Variants in WDR72 observed in about 807,000 individuals in gnomAD.
WDR72 encodes the protein WD repeat-containing protein 72.
A neutral mutation model predicts 124.2 loss-of-function variants in WDR72; 120 were observed. That is an observed-to-expected ratio of 0.97 (90% CI 0.83 to 1.12). The LOEUF (loss-of-function observed/expected upper bound fraction) is 1.12, where lower values mean the gene tolerates loss of function less well. WDR72 is among the 50% of genes most tolerant of loss of function. The pLI is 0.00. For synonymous variants in WDR72, 452 were observed against 441.7 expected (o/e 1.02, Z -0.29); for missense variants, 1,387 against 1,278.8 (o/e 1.08, Z -1.29).
chr15:53,703,143 G>T (rs1179231855), intron 11 of WDR72, among the ~76,000 whole-genome samples: 2 of 151,996 alleles, frequency 1.3e-5, no homozygotes, highest in Non-Finnish European at 2.9e-5. Context: ...CAAACTCCTG[G>T]GCTCAAGGGA....
At chr15:53,726,347 G>C (rs1031121989) in intron 2 of WDR72, among the ~76,000 whole-genome samples, 9 of 101,058 alleles carry the variant, frequency 8.9e-5, no homozygotes, top group African/African-American at 3.7e-4. Flanking sequence ...GTACACGTGT[G>C]TTGGGAGGGG....
chr15:53,728,881 C>T (rs2018120015), intron 2 of WDR72, among the ~76,000 whole-genome samples: 1 of 151,982 alleles, frequency 6.6e-6, no homozygotes, highest in South Asian at 2.1e-4. Flanking sequence ...AGTGAGAAGC[C>T]CAAGGCAGGG....
chr15:53,732,386 A>ATCTAT (rs1421987596), intron 2 of WDR72, among the ~76,000 whole-genome samples: 1 of 152,218 alleles, frequency 6.6e-6, no homozygotes, highest in African/African-American at 2.4e-5. Flanking sequence ...TTAAGCAAAT[A>ATCTAT]TCTATTCTGA....
intron 13 of WDR72, among the ~76,000 whole-genome samples, chr15:53,677,208 C>A (rs1168029701): frequency 1.3e-5 from 2 of 152,156 alleles, no homozygotes; most frequent in Non-Finnish European, 2.9e-5. Flanking sequence ...ACGTGAGCCA[C>A]CGTGCCCAGC....
At chr15:53,739,899 A>AT (rs1450370953) in intron 1 of WDR72, among the ~76,000 whole-genome samples, 9 of 152,148 alleles carry the variant, frequency 5.9e-5, no homozygotes, top group Non-Finnish European at 8.8e-5. Context: ...GACTTGTGTC[A>AT]TTTTTTAAAC....
chr15:53,517,830 G>A (rs117340993), intron 19 of WDR72, 76 bp from the exon 20 acceptor site: 18,604 of 1,360,596 alleles, frequency 0.014, 166 homozygotes, highest in Non-Finnish European at 0.016. Context: ...AAGAGGAGGG[G>A]AGGGAGAGAG....
intron 14 of WDR72, among the ~76,000 whole-genome samples, chr15:53,629,257 C>G (rs913752280): frequency 6.9e-6 from 1 of 144,148 alleles, no homozygotes; most frequent in Non-Finnish European, 1.5e-5. Context: ...AACAAAAAAC[C>G]CAAGAGAAAA....
chr15:53,649,588 CA>C (rs1226088971), intron 14 of WDR72, among the ~76,000 whole-genome samples: 1 of 151,720 alleles, frequency 6.6e-6, no homozygotes, highest in African/African-American at 2.4e-5. Context: ...AACTCTATAG[CA>C]AAAAACCCTA....
chr15:53,537,945 T>C (rs1251121126), intron 18 of WDR72, among the ~76,000 whole-genome samples: 2 of 152,200 alleles, frequency 1.3e-5, no homozygotes, highest in African/African-American at 4.8e-5. Flanking sequence ...TCCATTTGTA[T>C]CTATTAACTA....
At chr15:53,574,962 A>C (rs2140310350) in intron 18 of WDR72, among the ~76,000 whole-genome samples, 1 of 151,762 alleles carries the variant, frequency 6.6e-6, no homozygotes, top group South Asian at 2.1e-4. Flanking sequence ...TCCAACAAGC[A>C]TTGCCCTAGA....
rs555416868 is a variant in WDR72, at chr15:53,528,656, G to A, written c.3149-5334C>T. Among the ~76,000 whole-genome samples, 81 of 152,066 alleles carry A rather than the reference G, an allele frequency of 5.3e-4. 1 individual carries two copies. In the South Asian group the frequency reaches 0.016, roughly 30 times the overall value. ...TATTACCTAGATGTAGAGAATTTAA[G>A]TTATTATTTCATTTAAATACACACA... is the stretch of plus-strand genomic sequence containing the variant. On this transcript the variant is annotated intron_variant, in intron 18 of 19. Transcript: ENST00000360509.
At chr15:53,598,553 T>A (rs985796600) in intron 17 of WDR72, among the ~76,000 whole-genome samples, 2 of 152,156 alleles carry the variant, frequency 1.3e-5, no homozygotes, top group African/African-American at 4.8e-5. Context: ...CCAACGAGCT[T>A]ATTATGATGG....
intron 14 of WDR72, among the ~76,000 whole-genome samples, chr15:53,654,691 T>C (rs1463633916): frequency 2.6e-5 from 4 of 152,304 alleles, no homozygotes; most frequent in Non-Finnish European, 5.9e-5. Flanking sequence ...GCTATCTTGA[T>C]TAAGATAGAA....
At chr15:53,596,658 T>C (rs567144541) in intron 18 of WDR72, among the ~76,000 whole-genome samples, 1 of 152,312 alleles carries the variant, frequency 6.6e-6, no homozygotes, top group African/African-American at 2.4e-5. Context: ...AAAACATTGT[T>C]ATAAATAATA....
chr15:53,757,748 T>C (rs538822678), intron 1 of WDR72, among the ~76,000 whole-genome samples: 10 of 152,334 alleles, frequency 6.6e-5, no homozygotes, highest in Non-Finnish European at 1.3e-4. Context: ...TTCGAGTATA[T>C]GAATTGTCAA....
intron 14 of WDR72, among the ~76,000 whole-genome samples, chr15:53,653,257 T>C (rs1381779976): frequency 6.6e-6 from 1 of 152,220 alleles, no homozygotes; most frequent in East Asian, 1.9e-4. Flanking sequence ...ACGTGCCAGA[T>C]ATGCCAGGTG....
chr15:53,594,166 C>T (rs2012649542), intron 18 of WDR72, among the ~76,000 whole-genome samples: 1 of 151,684 alleles, frequency 6.6e-6, no homozygotes, highest in Non-Finnish European at 1.5e-5. Flanking sequence ...ACATTGTTGC[C>T]ATATTGCTAT....
chr15:53,548,989 A>G lies in WDR72; in HGVS notation c.3149-25667T>C, dbSNP rs186793917. 1.3e-3 allele frequency among the ~76,000 whole-genome samples: 200 copies of G among 152,350 alleles called. 1 individual carries two copies. Among genetic ancestry groups the G allele is most frequent in the African/African-American group, 4.5e-3 (188 of 41,588 alleles). ...GAAATTTACAGAAGAAAGAGAACCA[A>G]TAACCATGCCCCAGGTATAAAGAAC... On this transcript the variant is annotated intron_variant, in intron 18 of 19. Coordinates refer to ENST00000360509, the MANE Select transcript of WDR72 (RefSeq NM_182758.4).
intron 13 of WDR72, among the ~76,000 whole-genome samples, chr15:53,675,065 T>C (rs990279625): frequency 6.6e-6 from 1 of 152,164 alleles, no homozygotes; most frequent in African/African-American, 2.4e-5. Context: ...TATCTATTTA[T>C]TAACACACGC....
Sources: allele counts gnomAD v4.1 joint callset (sites outside exome capture counted in the v4.1 genomes callset), GRCh38; gene constraint gnomAD v4.1.1; transcripts MANE v1.5; gene names NCBI Gene and HGNC (gene_info 2026-07-23, HGNC 2026-07-21).